The following ANO3 variants were observed in gnomAD, a reference collection of about 807,000 sequenced individuals.
The protein encoded by ANO3 is anoctamin 3, also known as anoctamin-3.
A neutral mutation model predicts 144.8 loss-of-function variants in ANO3; 99 were observed. The ratio of observed to expected loss-of-function variants is 0.68; its 90% CI spans 0.58 to 0.81. The LOEUF is 0.81. Among genes scored for constraint, ANO3 ranks in the 30% least tolerant of loss-of-function variants. The pLI, the probability that ANO3 is intolerant of heterozygous loss-of-function variation, is 0.00. For missense variants in ANO3, 905 were observed against 1,202.2 expected, an observed-to-expected ratio of 0.75 and a Z score of 3.66; for synonymous variants, 414 against 392.6, an observed-to-expected ratio of 1.05 and a Z score of -0.64.
intron 1 of ANO3, among the ~76,000 whole-genome samples, chr11:26,314,968 G>A (rs1854587843): frequency 6.6e-6 from 1 of 152,098 alleles, no homozygotes; most frequent in Admixed American, 6.6e-5. Flanking sequence ...GCATAGTTAT[G>A]TGTAGTTGAT....
chr11:26,592,295 T>C (rs1851476931), intron 14 of ANO3, among the ~76,000 whole-genome samples: 1 of 152,074 alleles, frequency 6.6e-6, no homozygotes, highest in Non-Finnish European at 1.5e-5. Context: ...GAGTGTTTCT[T>C]TCATTTTCTC....
At chr11:26,190,649 T>G in intron 1 of ANO3, among the ~76,000 whole-genome samples, 1 of 152,212 alleles carries the variant, frequency 6.6e-6, no homozygotes, top group Non-Finnish European at 1.5e-5. Context: ...TCCATTAGAT[T>G]CAACTATTGT....
upstream of ANO3, chr11:26,331,535 T>A (rs1441868737): frequency 6.6e-6 from 1 of 152,160 alleles, no homozygotes; most frequent in Admixed American, 6.5e-5. Context: ...AGGGCTTTTA[T>A]GAAGATTAAA....
chr11:26,269,603 C>T (rs1337137188), intron 1 of ANO3, among the ~76,000 whole-genome samples: 1 of 152,144 alleles, frequency 6.6e-6, no homozygotes, highest in Admixed American at 6.5e-5. Context: ...TCATTTGGAC[C>T]TGCTGTCTTA....
At chr11:26,624,522 C>G (rs373685199) in intron 18 of ANO3, 24 bp downstream of exon 18, 171 of 1,570,480 alleles carry the variant, frequency 1.1e-4, no homozygotes, top group Admixed American at 4.3e-4. Context: ...TCTTACTTCA[C>G]TCCTTAGTCA....
At chr11:26,284,382 T>C (rs77344604) in intron 1 of ANO3, among the ~76,000 whole-genome samples, 1 of 152,174 alleles carries the variant, frequency 6.6e-6, no homozygotes, top group Non-Finnish European at 1.5e-5. Context: ...AGGATTCTAA[T>C]TTGATTCCTG....
intron 1 of ANO3, among the ~76,000 whole-genome samples, chr11:26,222,950 T>C (rs1204563172): frequency 6.6e-6 from 1 of 152,192 alleles, no homozygotes; most frequent in Non-Finnish European, 1.5e-5. Flanking sequence ...TTTCTCATTA[T>C]CTTTGATATT....
At chr11:26,369,124 A>G (rs764403633) in intron 1 of ANO3, among the ~76,000 whole-genome samples, 4 of 152,074 alleles carry the variant, frequency 2.6e-5, no homozygotes, top group Non-Finnish European at 4.4e-5. Context: ...AATATTTTCC[A>G]GCCATGTAAG....
At chr11:26,292,067 T>A (rs1046671991) in intron 1 of ANO3, among the ~76,000 whole-genome samples, 11 of 152,204 alleles carry the variant, frequency 7.2e-5, no homozygotes, top group African/African-American at 2.7e-4. Flanking sequence ...GGATTTGGTC[T>A]TTTCACATGG....
chr11:26,347,122 C>T (rs2133907452), intron 1 of ANO3, among the ~76,000 whole-genome samples: 1 of 152,298 alleles, frequency 6.6e-6, no homozygotes, highest in East Asian at 1.9e-4. Flanking sequence ...ATTCTCGCTC[C>T]ATCACTTAAT....
At chr11:26,464,549 C>T (rs1270577230) in intron 4 of ANO3, among the ~76,000 whole-genome samples, 1 of 151,794 alleles carries the variant, frequency 6.6e-6, no homozygotes, top group African/African-American at 2.4e-5. Flanking sequence ...CAATGATATC[C>T]ACCATTTTAT....
chr11:26,542,109 T>C, intron 11 of ANO3, 41 bp downstream of exon 11: 1 of 1,586,500 alleles, frequency 6.3e-7, no homozygotes. Flanking sequence ...AAGTATTCTG[T>C]TTTGTGTCAT....
chr11:26,515,233 A>G (rs1415414590), intron 5 of ANO3, among the ~76,000 whole-genome samples: 1 of 151,996 alleles, frequency 6.6e-6, no homozygotes, highest in Non-Finnish European at 1.5e-5. Context: ...ATCTTAAGCT[A>G]TTTTCCCATG....
chr11:26,461,354 A>G (rs1418124213), intron 3 of ANO3, among the ~76,000 whole-genome samples: 1 of 152,004 alleles, frequency 6.6e-6, no homozygotes, highest in Non-Finnish European at 1.5e-5. Flanking sequence ...TTCTTCCTCC[A>G]GTTTACCTGT....
At chr11:26,364,012 G>T (rs968567147) in intron 1 of ANO3, among the ~76,000 whole-genome samples, 1 of 152,110 alleles carries the variant, frequency 6.6e-6, no homozygotes, top group Non-Finnish European at 1.5e-5. Flanking sequence ...AGGGGTGAGG[G>T]TACATTAATT....
At chr11:26,285,403 G>T in intron 1 of ANO3, among the ~76,000 whole-genome samples, 1 of 152,072 alleles carries the variant, frequency 6.6e-6, no homozygotes, top group East Asian at 1.9e-4. Context: ...ATTTTGGTTT[G>T]TCTTATTTGT....
chr11:26,301,572 A>G (rs1163010448), intron 1 of ANO3, among the ~76,000 whole-genome samples: 2 of 152,188 alleles, frequency 1.3e-5, no homozygotes, highest in Non-Finnish European at 2.9e-5. Flanking sequence ...TGGAAGATCT[A>G]GTATTTCTTC....
At chr11:26,402,481 A>AT (rs963471643) in intron 1 of ANO3, among the ~76,000 whole-genome samples, 28 of 151,256 alleles carry the variant, frequency 1.9e-4, no homozygotes, top group Admixed American at 1.4e-3. Flanking sequence ...CACACTTGAA[A>AT]TTTTTTTTTC....
At chr11:26,262,176 T>C (rs1853205710) in intron 1 of ANO3, among the ~76,000 whole-genome samples, 1 of 152,206 alleles carries the variant, frequency 6.6e-6, no homozygotes. Context: ...TATCTAAAAC[T>C]ACAAGAATAT....
Sources: allele counts gnomAD v4.1 joint callset (sites outside exome capture counted in the v4.1 genomes callset), GRCh38; gene constraint gnomAD v4.1.1; transcripts MANE v1.5; gene names NCBI Gene and HGNC (gene_info 2026-07-23, HGNC 2026-07-21).